Variants in TMEM140 observed in about 807,000 individuals in gnomAD.
TMEM140 encodes the protein transmembrane protein 140.
For missense variants in TMEM140, 236 were observed against 228.5 expected (o/e 1.03, Z -0.21); for synonymous variants, 107 against 106.8 (o/e 1.00, Z -0.01).
intron 1 of TMEM140, among the ~76,000 whole-genome samples, chr7:135,156,788 T>C (rs1322415658): frequency 6.6e-6 from 1 of 152,202 alleles, no homozygotes; most frequent in African/African-American, 2.4e-5. Context: ...TTTGACTGTG[T>C]CCCCACCCAA....
chr7:135,165,094 C>A lies in TMEM140; in HGVS notation c.*95C>A. On this transcript the variant is annotated 3_prime_UTR_variant, in exon 2 of 2. Transcript: ENST00000275767. Reference sequence around the variant, plus strand: ...TTTTACAGCTAACGCTGATCTCCAGCTCCAGCGATGGAACCCACTACAGAG... The same window carrying A: ...TTTTACAGCTAACGCTGATCTCCAGATCCAGCGATGGAACCCACTACAGAG... 2 of 1,422,556 alleles carry A rather than the reference C, an allele frequency of 1.4e-6. No homozygotes were observed. The highest frequency in any genetic ancestry group is 2.4e-5 in the East Asian group (1 of 42,008). 88.1% of individuals were successfully genotyped at this position (1,422,556 alleles called of 1,614,324 possible).
At chr7:135,154,559 C>T (rs10268055) in intron 1 of TMEM140, among the ~76,000 whole-genome samples, 73,788 of 151,974 alleles carry the variant, frequency 0.49, 18,265 homozygotes, top group South Asian at 0.66. Flanking sequence ...TGTGTTTTTG[C>T]ATTCATTTCA....
chr7:135,156,553 C>T (rs1164014965), intron 1 of TMEM140, among the ~76,000 whole-genome samples: 2 of 151,926 alleles, frequency 1.3e-5, no homozygotes, highest in African/African-American at 4.8e-5. Context: ...TCCAGAATTT[C>T]TGCTTGTTTT....
At chr7:135,154,325 T>C (rs530235587) in intron 1 of TMEM140, among the ~76,000 whole-genome samples, 5 of 152,344 alleles carry the variant, frequency 3.3e-5, no homozygotes, top group African/African-American at 9.6e-5. Flanking sequence ...TTTAGTTTCA[T>C]TGATCCTTTG....
chr7:135,164,198 G>A (rs890309433), intron 1 of TMEM140, among the ~76,000 whole-genome samples: 1 of 152,240 alleles, frequency 6.6e-6, no homozygotes, highest in Non-Finnish European at 1.5e-5. Flanking sequence ...GCTTGGGAGA[G>A]ACTTTTCCTC....
At chr7:135,160,011 GTATAAAC>G (rs1169259020) in intron 1 of TMEM140, among the ~76,000 whole-genome samples, 1 of 152,156 alleles carries the variant, frequency 6.6e-6, no homozygotes, top group Non-Finnish European at 1.5e-5. Context: ...AAGCATCTAT[GTATAAAC>G]TATAAACTAT....
In TMEM140 at chr7:135,151,257, G is replaced by A. The variant is rs1829659438; in HGVS notation, c.-25+2987G>A. 1.3e-5 allele frequency among the ~76,000 whole-genome samples: 2 copies of A among 152,208 alleles called. No homozygotes were observed. Among genetic ancestry groups the A allele is most frequent in the Admixed American group, 6.5e-5 (1 of 15,274 alleles). On this transcript the variant is annotated intron_variant, in intron 1 of 1. Coordinates refer to ENST00000275767, the MANE Select transcript of TMEM140 (RefSeq NM_018295.5). This position sits in a 1 kb window ranked among gnomAD's most constrained non-coding sequence, Gnocchi z 4.3. ...GAGCTGCCACCACCTACACACTGTTGAAAAACACTGCAGTAGCCCTGTTTT... is the reference window on the plus strand; with the variant it reads ...GAGCTGCCACCACCTACACACTGTTAAAAAACACTGCAGTAGCCCTGTTTT...
At chr7:135,157,505 G>A (rs1296912465) in intron 1 of TMEM140, among the ~76,000 whole-genome samples, 1 of 152,250 alleles carries the variant, frequency 6.6e-6, no homozygotes, top group Non-Finnish European at 1.5e-5. Flanking sequence ...AGCTTACGCT[G>A]CTCTGGTGGT....
At chr7:135,156,092 A>C (rs2117442615) in intron 1 of TMEM140, among the ~76,000 whole-genome samples, 1 of 152,202 alleles carries the variant, frequency 6.6e-6, no homozygotes, top group Non-Finnish European at 1.5e-5. Context: ...GGCATGTAAG[A>C]ATTCTGCTGA....
chr7:135,153,816 C>T (rs1829721634), intron 1 of TMEM140, among the ~76,000 whole-genome samples: 2 of 152,118 alleles, frequency 1.3e-5, no homozygotes, highest in African/African-American at 4.8e-5. Context: ...CTGCTGTGTC[C>T]TTGTCTGGTT....
At chr7:135,155,218 A>T (rs1485563295) in intron 1 of TMEM140, among the ~76,000 whole-genome samples, 2 of 152,038 alleles carry the variant, frequency 1.3e-5, no homozygotes, top group East Asian at 3.9e-4. Context: ...TTTTCAGTCT[A>T]TATGTCTTTA....
chr7:135,155,142 T>A (rs1367821930), intron 1 of TMEM140, among the ~76,000 whole-genome samples: 1 of 152,266 alleles, frequency 6.6e-6, no homozygotes. Flanking sequence ...TTATCAGATA[T>A]AAGTATAGCT....
chr7:135,154,016 T>G lies in TMEM140; in HGVS notation c.-25+5746T>G, dbSNP rs988797947. Among the ~76,000 whole-genome samples the G allele has an allele frequency of 2.6e-5, 4 of 152,308 alleles. No homozygotes were observed. In the East Asian group the frequency reaches 5.8e-4, roughly 22 times the overall value. On this transcript the variant is annotated intron_variant, in intron 1 of 1. Transcript: ENST00000275767. ...TTATTGATTCAATCTCACTACTCAT[T>G]ATTGGTCTGTTTAGAAGTTCTATTT...
intron 1 of TMEM140, among the ~76,000 whole-genome samples, chr7:135,149,853 T>C (rs941177181): frequency 1.3e-5 from 2 of 152,240 alleles, no homozygotes; most frequent in African/African-American, 4.8e-5. Flanking sequence ...GTAATGTTTT[T>C]TGACAGTTTG....
intron 1 of TMEM140, among the ~76,000 whole-genome samples, chr7:135,158,595 C>T (rs1295427016): frequency 6.6e-6 from 1 of 152,158 alleles, no homozygotes; most frequent in Non-Finnish European, 1.5e-5. Flanking sequence ...GCTACAGCCT[C>T]ATCAGCCCAA....
intron 1 of TMEM140, among the ~76,000 whole-genome samples, chr7:135,158,661 G>A (rs2117451329): frequency 6.6e-6 from 1 of 152,154 alleles, no homozygotes; most frequent in South Asian, 2.1e-4. Flanking sequence ...TGCTACCTTG[G>A]GCCTGGGATC....
chr7:135,162,590 AG>A (rs1829972361), intron 1 of TMEM140, among the ~76,000 whole-genome samples: 1 of 152,220 alleles, frequency 6.6e-6, no homozygotes, highest in East Asian at 1.9e-4. Context: ...GAACATGTGC[AG>A]GGGAAATGCC....
intron 1 of TMEM140, among the ~76,000 whole-genome samples, chr7:135,157,906 G>C (rs1829834789): frequency 6.6e-6 from 1 of 152,190 alleles, no homozygotes; most frequent in South Asian, 2.1e-4. Context: ...GCCAGCTGTG[G>C]GCTTGTGAAC....
chr7:135,149,077 T>G (rs978835648), intron 1 of TMEM140, among the ~76,000 whole-genome samples: 47 of 152,218 alleles, frequency 3.1e-4, no homozygotes, highest in African/African-American at 1.1e-3. Context: ...ACTCAGTCCA[T>G]GAGATATTTT....
Sources: gnomAD v4.1 joint callset for allele counts (sites outside exome capture counted in the v4.1 genomes callset) on GRCh38, gnomAD v4.1.1 for gene constraint, Gnocchi (gnomAD v3.1) non-coding constraint, MANE v1.5 for transcripts, NCBI Gene and HGNC (gene_info 2026-07-23, HGNC 2026-07-21) for gene names.